Variants in CARMIL1 observed in about 807,000 individuals in gnomAD.
CARMIL1 encodes F-actin-uncapping protein LRRC16A.
CARMIL1 carries 90 observed loss-of-function variants against 177.1 expected under a neutral mutation model. That is an observed-to-expected ratio of 0.51 (90% CI 0.43 to 0.61). The LOEUF (loss-of-function observed/expected upper bound fraction) is 0.61, where lower values mean the gene tolerates loss of function less well. Among genes scored for constraint, CARMIL1 ranks in the 20% least tolerant of loss-of-function variants. The pLI, the probability that CARMIL1 is intolerant of heterozygous loss-of-function variation, is 0.00. For missense variants in CARMIL1, 1,380 were observed against 1,667.0 expected, an observed-to-expected ratio of 0.83 and a Z score of 3.00; for synonymous variants, 577 against 606.2, an observed-to-expected ratio of 0.95 and a Z score of 0.71.
chr6:25,563,961 TA>T (rs981289813), intron 29 of CARMIL1: 123 of 681,992 alleles, frequency 1.8e-4, no homozygotes, highest in Middle Eastern at 7.3e-4. Context: ...CAACCAGGAT[TA>T]AAAAAAATGA....
intron 2 of CARMIL1, among the ~76,000 whole-genome samples, chr6:25,339,917 G>T (rs188113243): frequency 9.2e-5 from 14 of 152,232 alleles, no homozygotes; most frequent in African/African-American, 2.2e-4. Flanking sequence ...CGTGGTGGAG[G>T]TTATGGTGAT....
chr6:25,453,648 G>A (rs934782766), intron 8 of CARMIL1, among the ~76,000 whole-genome samples: 16 of 152,262 alleles, frequency 1.1e-4, no homozygotes, highest in African/African-American at 2.9e-4. Context: ...GAAGACTCCC[G>A]CCTTGGCTTG....
intron 29 of CARMIL1, among the ~76,000 whole-genome samples, chr6:25,571,205 G>A (rs1484244383): frequency 1.3e-5 from 2 of 152,162 alleles, no homozygotes; most frequent in African/African-American, 4.8e-5. Flanking sequence ...GCAATGATTA[G>A]CTCTAAATTC....
At chr6:25,299,776 G>C (rs1782704289) in intron 2 of CARMIL1, among the ~76,000 whole-genome samples, 1 of 151,892 alleles carries the variant, frequency 6.6e-6, no homozygotes, top group Non-Finnish European at 1.5e-5. Flanking sequence ...AGGAGTTTTT[G>C]AGACCAGCCT....
chr6:25,383,708 CAA>C (rs1035810145), intron 2 of CARMIL1: 3 of 152,018 alleles, frequency 2.0e-5, no homozygotes, highest in Non-Finnish European at 4.4e-5. Context: ...TTTTTTAAAA[CAA>C]AATTATGGCT....
intron 2 of CARMIL1, among the ~76,000 whole-genome samples, chr6:25,354,540 GCTT>G (rs1178602979): frequency 2.6e-5 from 4 of 151,906 alleles, no homozygotes; most frequent in African/African-American, 9.7e-5. Flanking sequence ...CATGTTTTCA[GCTT>G]CTTCTGCTTT....
At chr6:25,315,138 C>T (rs1481750898) in intron 2 of CARMIL1, among the ~76,000 whole-genome samples, 1 of 152,164 alleles carries the variant, frequency 6.6e-6, no homozygotes, top group East Asian at 1.9e-4. Flanking sequence ...CTTTAGGTGT[C>T]CTCCCAAAGT....
intron 9 of CARMIL1, among the ~76,000 whole-genome samples, chr6:25,469,621 G>A (rs1350982808): frequency 2.0e-5 from 3 of 152,070 alleles, no homozygotes; most frequent in East Asian, 1.9e-4. Context: ...GCAGTGGTGC[G>A]ATGACGGTTC....
chr6:25,372,414 A>T (rs1325346389), intron 2 of CARMIL1, among the ~76,000 whole-genome samples: 1 of 151,894 alleles, frequency 6.6e-6, no homozygotes, highest in Non-Finnish European at 1.5e-5. Context: ...ATTATCTTTG[A>T]TTTCCTTCAG....
In CARMIL1 at chr6:25,279,870, C is replaced by T. The variant is rs377466260; in HGVS notation, c.40+35C>T. The T allele has an allele frequency of 6.2e-6, 10 of 1,609,496 alleles. No homozygotes were observed. The Admixed American group carries it at 1.5e-4, about 24-fold the overall frequency. On this transcript the variant is annotated intron_variant, in intron 1 of 36. Transcript: ENST00000329474. The stretch of plus-strand genomic sequence containing the variant: ...ACGCGGTTGTTGGTTTTCCACCTTC[C>T]TCTGCGTACTCCTCACCTCTCTCTC...
chr6:25,514,651 G>A (rs937002136), intron 20 of CARMIL1, among the ~76,000 whole-genome samples: 19 of 152,004 alleles, frequency 1.2e-4, no homozygotes, highest in African/African-American at 4.3e-4. Context: ...GCTGAGTGTG[G>A]TGGCTCATGC....
At chr6:25,477,623 ATT>A (rs11356272) in intron 11 of CARMIL1, among the ~76,000 whole-genome samples, 9 of 149,010 alleles carry the variant, frequency 6.0e-5, no homozygotes, top group Admixed American at 1.3e-4. Context: ...ATGACAAGCA[ATT>A]TTTTTTTTTT....
chr6:25,558,479 G>GTTGT lies in CARMIL1; in HGVS notation c.2742+1640_2742+1643dup. 6.6e-6 allele frequency among the ~76,000 whole-genome samples: 1 copy of GTTGT among 152,130 alleles called. No homozygotes were observed. On this transcript the variant is annotated intron_variant, in intron 29 of 36. Transcript: ENST00000329474. This position sits in a 1 kb window ranked among gnomAD's most constrained non-coding sequence, Gnocchi z 4.1. ...TTAGTTTTGTGAAAGGAAGAAAAAG[G>GTTGT]TTGTTTGTTTGTTTTAAGTGAGTGA...
intron 32 of CARMIL1, among the ~76,000 whole-genome samples, chr6:25,599,101 T>C (rs1815138174): frequency 6.6e-6 from 1 of 152,202 alleles, no homozygotes; most frequent in Non-Finnish European, 1.5e-5. Flanking sequence ...AACTTGGGTG[T>C]TGGGATGGGC....
At chr6:25,582,988 G>A (rs755072117) in intron 31 of CARMIL1, among the ~76,000 whole-genome samples, 2 of 152,154 alleles carry the variant, frequency 1.3e-5, no homozygotes, top group Non-Finnish European at 1.5e-5. Flanking sequence ...TGGCGCCTTG[G>A]CATTTGAGGA....
At chr6:25,321,359 G>A (rs532505611) in intron 2 of CARMIL1, among the ~76,000 whole-genome samples, 8 of 152,244 alleles carry the variant, frequency 5.3e-5, no homozygotes, top group Admixed American at 1.3e-4. Context: ...TCTGGTGAGC[G>A]CTGCTAGAGG....
At chr6:25,466,093 T>G (rs758921182) in intron 9 of CARMIL1, 145 bp downstream of exon 9, 9 of 612,516 alleles carry the variant, frequency 1.5e-5, no homozygotes, top group Non-Finnish European at 2.6e-5. Flanking sequence ...TTTAAATGAT[T>G]TGCGTAACAT....
At chr6:25,440,378 C>T (rs955611112) in intron 5 of CARMIL1, among the ~76,000 whole-genome samples, 44 of 152,330 alleles carry the variant, frequency 2.9e-4, no homozygotes, top group Admixed American at 2.8e-3. Context: ...AGAGAAGGTG[C>T]AGATTATAAT....
At chr6:25,370,077 A>C (rs748669995) in intron 2 of CARMIL1, 2 of 152,224 alleles carry the variant, frequency 1.3e-5, no homozygotes, top group Non-Finnish European at 2.9e-5. Flanking sequence ...CTCTTCTAGC[A>C]AGCTGTTACA....
Sources: allele counts gnomAD v4.1 joint callset (sites outside exome capture counted in the v4.1 genomes callset), GRCh38; gene constraint gnomAD v4.1.1; non-coding constraint Gnocchi (gnomAD v3.1); transcripts MANE v1.5; gene names NCBI Gene and HGNC (gene_info 2026-07-23, HGNC 2026-07-21).